The following OAS3 variants were observed in gnomAD, a reference collection of about 807,000 sequenced individuals.
The protein encoded by OAS3 is 2'-5'-oligoadenylate synthetase 3.
OAS3 carries 107 observed loss-of-function variants against 113.0 expected under a neutral mutation model. The ratio of observed to expected loss-of-function variants is 0.95; its 90% CI spans 0.81 to 1.11. OAS3 has a LOEUF of 1.11. Ranked by LOEUF, OAS3 falls within the 50% of genes most tolerant of loss-of-function variation. OAS3 has a pLI of 0.00. For missense variants in OAS3, 1,258 were observed against 1,389.1 expected (o/e 0.91, Z 1.50); for synonymous variants, 552 against 573.6 (o/e 0.96, Z 0.54).
chr12:112,948,782 G>C, intron 5 of OAS3, 79 bp from the exon 6 acceptor site: 1 of 1,136,238 alleles, frequency 8.8e-7, no homozygotes. Context: ...ACAAAGGGCG[G>C]GAGCTGGGGA....
At chr12:112,946,404 A>G (rs1033540221) in intron 3 of OAS3, among the ~76,000 whole-genome samples, 1 of 152,138 alleles carries the variant, frequency 6.6e-6, no homozygotes, top group Non-Finnish European at 1.5e-5. Flanking sequence ...TCCTTCTCCA[A>G]TCAGCCACGC....
In OAS3 at chr12:112,938,645, G is replaced by T. The variant is rs1368229506; in HGVS notation, c.115G>T (p.Ala39Ser). ...GCGCGCTCTGGGCGCCCTGGCCGCTGCCCTGAGGGAGCGCGGGGGCCGCCT... is the reference window on the plus strand; with the variant it reads ...GCGCGCTCTGGGCGCCCTGGCCGCTTCCCTGAGGGAGCGCGGGGGCCGCCT... ...ARRALGALAA[A>S]LRERGGRLGA... Residue 39 changes from alanine to serine, a missense_variant, in exon 1 of 16, where the codon GCC becomes TCC. By Grantham distance (99) the Ala-to-Ser change is moderately conservative. Coordinates refer to ENST00000228928, the MANE Select transcript of OAS3 (RefSeq NM_006187.4). The T allele has an allele frequency of 5.0e-6, 8 of 1,603,756 alleles. No homozygotes were observed. Among genetic ancestry groups the T allele is most frequent in the Non-Finnish European group, 6.0e-6 (7 of 1,176,144 alleles).
intron 15 of OAS3, 45 bp downstream of exon 15, chr12:112,969,800 G>T: frequency 3.7e-6 from 6 of 1,605,844 alleles, no homozygotes; most frequent in East Asian, 2.2e-5. Context: ...TAGGGGTAAG[G>T]GGGGAGCATG....
rs2043907264 is a variant in OAS3, at chr12:112,963,464, T to TGGA, written c.2229+10_2229+12dup. 3.3e-6 allele frequency: 5 copies of TGGA among 1,535,346 alleles called. No homozygotes were observed. In the South Asian group the frequency reaches 6.1e-5, roughly 19 times the overall value. ...GCAGCCCTGGGATGTGATGGTAAGA[T>TGGA]GGAGGGTCCTGGGGGGCAGGGGGCC... is the stretch of plus-strand genomic sequence containing the variant. On this transcript the variant is annotated splice_region_variant and intron_variant, in intron 10 of 15. Transcript: ENST00000228928. This position sits in a 1 kb window ranked among gnomAD's most constrained non-coding sequence, Gnocchi z 4.6.
intron 7 of OAS3, among the ~76,000 whole-genome samples, chr12:112,952,649 C>T (rs1047367462): frequency 2.6e-5 from 4 of 152,280 alleles, no homozygotes; most frequent in Non-Finnish European, 5.9e-5. Flanking sequence ...TTCCTTCTTA[C>T]AGAAATACAT....
chr12:112,963,315 C>T lies in OAS3; in HGVS notation c.2087C>T (p.Pro696Leu). ...CCACCTTCCTGCTGTGCCCCCAGAC[C>T]CCTGGTCCTGGACCCCGCTGATCCC... ...HLLGQLRKPR[P>L]LVLDPADPTW... The change falls in exon 10 of 16, where the codon CCC becomes CTC. Residue 696 changes from proline to leucine, a missense_variant and splice_region_variant. By Grantham distance (98) the Pro-to-Leu change is moderately conservative (BLOSUM62 -3). Coordinates refer to ENST00000228928, the MANE Select transcript of OAS3 (RefSeq NM_006187.4). The surrounding 1 kb of genome is among the most constrained non-coding windows in gnomAD (Gnocchi z 4.6). The T allele has an allele frequency of 1.3e-6, 2 of 1,573,584 alleles. No homozygotes were observed. Among genetic ancestry groups the T allele is most frequent in the East Asian group, 2.4e-5 (1 of 42,470 alleles).
At chr12:112,957,364 T>C (rs1304798815) in intron 7 of OAS3, among the ~76,000 whole-genome samples, 2 of 152,354 alleles carry the variant, frequency 1.3e-5, no homozygotes, top group Middle Eastern at 3.4e-3. Flanking sequence ...ATGTGTAAAT[T>C]TGATCATGTC....
Position 112,967,995 on chromosome 12 carries a change from G to C in OAS3, c.2925G>C (p.Leu975=). ...CCCCACAGCACGGGCTGGAACTCCT[G>C]ACTGTGTATGCCTGGGAGCAGGGCG... ...SLPPQHGLEL[L]TVYAWEQGGK... Residue 975 remains leucine (L), a synonymous_variant, in exon 14 of 16, where the codon CTG becomes CTC. Coordinates refer to ENST00000228928, the MANE Select transcript of OAS3 (RefSeq NM_006187.4). The C allele has an allele frequency of 6.2e-7, 1 of 1,614,032 alleles. No individual in the cohort carries two copies. Among genetic ancestry groups the C allele is most frequent in the Non-Finnish European group, 8.5e-7 (1 of 1,179,892 alleles).
chr12:112,963,306 C>A lies in OAS3; in HGVS notation c.2085-7C>A. The A allele has an allele frequency of 6.4e-7, 1 of 1,563,950 alleles. No individual in the cohort carries two copies. The highest frequency in any genetic ancestry group is 8.7e-7 in the Non-Finnish European group (1 of 1,152,786). On this transcript the variant is annotated splice_region_variant and splice_polypyrimidine_tract_variant and intron_variant, in intron 9 of 15. Coordinates refer to ENST00000228928, the MANE Select transcript of OAS3 (RefSeq NM_006187.4). This position sits in a 1 kb window ranked among gnomAD's most constrained non-coding sequence, Gnocchi z 4.6. ...CTTCCCCACCCACCTTCCTGCTGTG[C>A]CCCCAGACCCCTGGTCCTGGACCCC...
chr12:112,941,494 A>G, intron 1 of OAS3, 76 bp from the exon 2 acceptor site: 1 of 1,513,746 alleles, frequency 6.6e-7, no homozygotes, highest in Non-Finnish European at 9.0e-7. Context: ...CACTTGCCTC[A>G]CTCAAGTTGC....
At chr12:112,960,973 A>C in intron 7 of OAS3, 98 bp from the exon 8 acceptor site, 1 of 1,105,136 alleles carries the variant, frequency 9.0e-7, no homozygotes, top group Non-Finnish European at 1.3e-6. Flanking sequence ...TAGGTGATTA[A>C]TGTTAGAATA....
At chr12:112,948,718 C>T (rs1207105300) in intron 5 of OAS3, 143 bp from the exon 6 acceptor site, 6 of 657,896 alleles carry the variant, frequency 9.1e-6, no homozygotes, top group Non-Finnish European at 1.6e-5. Context: ...TGGCCATGTG[C>T]GTTAGCCATG....
At position 112,970,020 on chromosome 12, in the gene OAS3, C is replaced by T; in HGVS notation, c.*47C>T. On this transcript the variant is annotated 3_prime_UTR_variant, in exon 16 of 16. Coordinates refer to ENST00000228928, the MANE Select transcript of OAS3 (RefSeq NM_006187.4). ...TACTGGATGAAGAGAAGATGGACAC[C>T]AGCCCTCAGCATGAGGAAATTCAGG... 6 of 1,595,964 alleles carry T rather than the reference C, an allele frequency of 3.8e-6. No individual in the cohort carries two copies. The highest frequency in any genetic ancestry group is 5.1e-6 in the Non-Finnish European group (6 of 1,170,266).
rs1222559565 is a variant in OAS3, at chr12:112,938,686, G to C, written c.156G>C (p.Pro52=). 5.7e-6 allele frequency: 9 copies of C among 1,571,608 alleles called. No homozygotes were observed. In the African/African-American group the frequency reaches 8.1e-5, roughly 14 times the overall value. The change falls in exon 1 of 16, where the codon CCG becomes CCC. Residue 52 remains proline, a synonymous_variant. Transcript: ENST00000228928. The part of the protein sequence containing the change: ...ERGGRLGAAA[P]RVLKTVKGGS... ...GGGGCCGCCTCGGTGCTGCTGCCCC[G>C]CGGGTGCTGAAAACTGTCAAGGTGA...
At position 112,963,049 on chromosome 12, in the gene OAS3, G is replaced by A; in HGVS notation, c.2084+147G>A. ...TGCTTCCCTCTGGACTCTTTGCTGA[G>A]GAAGTGTGGACATAAGGAGTCCCAA... On this transcript the variant is annotated intron_variant, in intron 9 of 15. Transcript: ENST00000228928. This position sits in a 1 kb window ranked among gnomAD's most constrained non-coding sequence, Gnocchi z 4.6. 1 of 1,272,758 alleles carries A rather than the reference G, an allele frequency of 7.9e-7. No homozygotes were observed. Among genetic ancestry groups the A allele is most frequent in the Non-Finnish European group, 1.1e-6 (1 of 911,404 alleles). The allele number at this position is 1,272,758 out of a possible 1,614,324, so 78.8% of individuals were successfully genotyped here.
At chr12:112,939,108 T>A (rs7299132) in intron 1 of OAS3, among the ~76,000 whole-genome samples, 113,235 of 152,044 alleles carry the variant, frequency 0.74, 43,440 homozygotes, top group African/African-American at 0.94. Context: ...GACCTTAAGG[T>A]TACAGAAGTA....
chr12:112,972,960 G>C lies in OAS3; in HGVS notation c.*2987G>C, dbSNP rs2136367592. 1 of 151,742 alleles carries C rather than the reference G, an allele frequency of 6.6e-6. No homozygotes were observed. Among genetic ancestry groups the C allele is most frequent in the South Asian group, 2.1e-4 (1 of 4,800 alleles). 9.4% of individuals were successfully genotyped at this position (151,742 alleles called of 1,614,324 possible). A position where few individuals can be genotyped will look rare whatever the true frequency, so the allele number is the denominator to read the frequency against. On this transcript the variant is annotated 3_prime_UTR_variant, in exon 16 of 16. Transcript: ENST00000228928. ...TTGAGATACAAGTCAATACCATAAA[G>C]CTCTCACCCTTCTAAAGTGTACAAT... is the stretch of plus-strand genomic sequence containing the variant.
chr12:112,947,356 T>TTAC (rs2043743051), intron 4 of OAS3, among the ~76,000 whole-genome samples: 1 of 152,224 alleles, frequency 6.6e-6, no homozygotes, highest in African/African-American at 2.4e-5. Flanking sequence ...ATAACCCCAC[T>TTAC]TACACTTTTA....
chr12:112,960,854 T>C (rs2043876544), intron 7 of OAS3, among the ~76,000 whole-genome samples: 1 of 152,196 alleles, frequency 6.6e-6, no homozygotes, highest in Non-Finnish European at 1.5e-5. Context: ...GTGCAGTTAC[T>C]GGATGGATTA....
Sources: allele counts gnomAD v4.1 joint callset (sites outside exome capture counted in the v4.1 genomes callset), GRCh38; gene constraint gnomAD v4.1.1; non-coding constraint Gnocchi (gnomAD v3.1); transcripts MANE v1.5; gene names NCBI Gene and HGNC (gene_info 2026-07-23, HGNC 2026-07-21).